CNIH3: variants seen among roughly 807,000 people sequenced by gnomAD.
The protein encoded by CNIH3 is protein cornichon homolog 3.
CNIH3 carries 14 observed loss-of-function variants against 24.1 expected under a neutral mutation model. The ratio of observed to expected loss-of-function variants is 0.58; its 90% confidence interval spans 0.38 to 0.91. The LOEUF is 0.91. CNIH3 is among the 40% of genes least tolerant of loss of function. CNIH3 has a pLI of 0.00. For synonymous variants in CNIH3, 68 were observed against 73.8 expected (o/e 0.92, Z 0.40); for missense variants, 178 against 196.8 (o/e 0.90, Z 0.57).
intron 1 of CNIH3, among the ~76,000 whole-genome samples, chr1:224,449,244 G>A (rs1407789868): frequency 6.6e-6 from 1 of 152,084 alleles, no homozygotes; most frequent in Non-Finnish European, 1.5e-5. Flanking sequence ...GATTACAGGT[G>A]TGAGCCACCG....
intron 3 of CNIH3, among the ~76,000 whole-genome samples, chr1:224,550,349 A>G (rs1401733917): frequency 1.3e-5 from 2 of 152,212 alleles, no homozygotes; most frequent in African/African-American, 2.4e-5. Flanking sequence ...GTGTGTAAAA[A>G]CTGTGTAAAC....
At chr1:224,570,932 T>C (rs1035671810) in intron 4 of CNIH3, among the ~76,000 whole-genome samples, 1 of 151,926 alleles carries the variant, frequency 6.6e-6, no homozygotes, top group African/African-American at 2.4e-5. Flanking sequence ...CCTGTGTGAA[T>C]ACTCAGTACT....
chr1:224,610,949 T>C (rs1389018273), intron 3 of CNIH3, among the ~76,000 whole-genome samples: 1 of 152,202 alleles, frequency 6.6e-6, no homozygotes, highest in Non-Finnish European at 1.5e-5. Context: ...TGTATTAGGC[T>C]GCTGGTAATA....
chr1:224,485,352 T>A (rs1676986111), intron 1 of CNIH3, among the ~76,000 whole-genome samples: 1 of 152,224 alleles, frequency 6.6e-6, no homozygotes, highest in African/African-American at 2.4e-5. Context: ...GAAGAGAAGC[T>A]CCTTTGTAGG....
chr1:224,516,649 T>C (rs1465170964), intron 1 of CNIH3, among the ~76,000 whole-genome samples: 1 of 152,244 alleles, frequency 6.6e-6, no homozygotes, highest in Non-Finnish European at 1.5e-5. Context: ...GCCCTCCATG[T>C]CTCTGTAGGC....
intron 3 of CNIH3, among the ~76,000 whole-genome samples, chr1:224,705,812 T>TC (rs1446063561): frequency 2.6e-5 from 4 of 151,982 alleles, no homozygotes; most frequent in African/African-American, 9.7e-5. Flanking sequence ...CACTTTTTTT[T>TC]CTCTTTCTCT....
chr1:224,464,249 T>G (rs1676064197), intron 1 of CNIH3, among the ~76,000 whole-genome samples: 1 of 152,182 alleles, frequency 6.6e-6, no homozygotes, highest in Admixed American at 6.5e-5. Flanking sequence ...TGTTTTCTTC[T>G]AGAAGTTTTA....
intron 3 of CNIH3, among the ~76,000 whole-genome samples, chr1:224,700,730 T>C (rs539586539): frequency 6.6e-6 from 1 of 152,286 alleles, no homozygotes; most frequent in Admixed American, 6.5e-5. Context: ...GTCCTGCCTC[T>C]CCATGCTACC....
chr1:224,708,027 G>GC (rs1687918226), intron 3 of CNIH3, among the ~76,000 whole-genome samples: 1 of 152,024 alleles, frequency 6.6e-6, no homozygotes, highest in Non-Finnish European at 1.5e-5. Context: ...ACCCCATCCT[G>GC]CTCCCTGTCT....
intron 3 of CNIH3, among the ~76,000 whole-genome samples, chr1:224,710,914 A>G (rs977778939): frequency 7.2e-5 from 11 of 152,138 alleles, no homozygotes; most frequent in African/African-American, 2.7e-4. Flanking sequence ...CTGCATAATG[A>G]TATCTTGTGT....
chr1:224,655,915 C>G (rs1196465711), intron 1 of CNIH3, among the ~76,000 whole-genome samples: 1 of 152,146 alleles, frequency 6.6e-6, no homozygotes, highest in Non-Finnish European at 1.5e-5. Flanking sequence ...ACTGGGGTCT[C>G]ACTGGATGTG....
At chr1:224,605,725 A>C (rs908070400) in intron 3 of CNIH3, among the ~76,000 whole-genome samples, 1 of 151,642 alleles carries the variant, frequency 6.6e-6, no homozygotes, top group East Asian at 1.9e-4. Flanking sequence ...CCCCACCCAG[A>C]AGGGGACTCA....
chr1:224,534,836 A>G (rs1284678369), intron 2 of CNIH3, among the ~76,000 whole-genome samples: 1 of 152,176 alleles, frequency 6.6e-6, no homozygotes, highest in Non-Finnish European at 1.5e-5. Context: ...CTGATCCACA[A>G]TGAACAAGTC....
At chr1:224,500,780 G>A (rs533027016) in intron 1 of CNIH3, among the ~76,000 whole-genome samples, 6 of 152,254 alleles carry the variant, frequency 3.9e-5, no homozygotes, top group Non-Finnish European at 5.9e-5. Context: ...AACCCCAGTC[G>A]CCAGTGGGCT....
chr1:224,625,779 G>C (rs995395205), intron 1 of CNIH3, among the ~76,000 whole-genome samples: 2 of 152,176 alleles, frequency 1.3e-5, no homozygotes, highest in African/African-American at 4.8e-5. Flanking sequence ...GACAGGAAAG[G>C]GCTGTCAGAT....
At chr1:224,446,709 T>C (rs945426570) in intron 1 of CNIH3, among the ~76,000 whole-genome samples, 7 of 152,208 alleles carry the variant, frequency 4.6e-5, no homozygotes, top group Admixed American at 4.6e-4. Context: ...TTAGAAATAA[T>C]TTAATGATAC....
intron 5 of CNIH3, among the ~76,000 whole-genome samples, chr1:224,738,386 G>C (rs764294061): frequency 1.8e-4 from 27 of 152,298 alleles, no homozygotes; most frequent in Admixed American, 1.0e-3. Context: ...TCCCCAAGTA[G>C]AGTAAGTCCC....
chr1:224,537,947 T>C (rs1679352727), downstream of CNIH3, among the ~76,000 whole-genome samples: 1 of 151,506 alleles, frequency 6.6e-6, no homozygotes, highest in African/African-American at 2.4e-5. Context: ...TCAGACACAT[T>C]ATTATTATTA....
chr1:224,588,665 A>G (rs1681613019), downstream of CNIH3: 2 of 151,926 alleles, frequency 1.3e-5, no homozygotes, highest in Admixed American at 6.6e-5. Context: ...GTAAATAACC[A>G]TTCAGACAAC....
Sources: gnomAD v4.1 joint callset for allele counts (sites outside exome capture counted in the v4.1 genomes callset) on GRCh38, gnomAD v4.1.1 for gene constraint, MANE v1.5 for transcripts, NCBI Gene and HGNC (gene_info 2026-07-23, HGNC 2026-07-21) for gene names.